The following SMC3 variants were observed in gnomAD, a reference collection of about 807,000 sequenced individuals.
SMC3 encodes structural maintenance of chromosomes protein 3.
SMC3 carries 20 observed loss-of-function variants against 171.8 expected under a neutral mutation model. That is an observed-to-expected ratio of 0.12 (90% CI 0.08 to 0.17). The LOEUF (loss-of-function observed/expected upper bound fraction) is 0.17. SMC3 is among the 10% of genes least tolerant of loss of function. SMC3 has a pLI of 1.00. For missense variants in SMC3, 543 were observed against 1,420.4 expected (o/e 0.38, Z 9.93); for synonymous variants, 464 against 451.1 (o/e 1.03, Z -0.36).
chr10:110,595,917 C>CTTTTTTTTTTTTTTTT, intron 18 of SMC3, among the ~76,000 whole-genome samples: 1 of 101,610 alleles, frequency 9.8e-6, no homozygotes, highest in Non-Finnish European at 1.8e-5. Flanking sequence ...ACTGGAGGTT[C>CTTTTTTTTTTTTTTTT]TTTTTTTTTT....
At chr10:110,584,616 A>AATGT (rs1297252020) in intron 13 of SMC3, among the ~76,000 whole-genome samples, 1 of 152,112 alleles carries the variant, frequency 6.6e-6, no homozygotes, top group Non-Finnish European at 1.5e-5. Context: ...AGTATATTAA[A>AATGT]ATGTATGTAT....
chr10:110,588,781 C>A (rs1255634860), intron 13 of SMC3, among the ~76,000 whole-genome samples: 2 of 152,162 alleles, frequency 1.3e-5, no homozygotes. Flanking sequence ...AAGGAAACAG[C>A]ATCTTACGTT....
chr10:110,576,681 T>C (rs1396252014), intron 4 of SMC3, among the ~76,000 whole-genome samples: 1 of 152,156 alleles, frequency 6.6e-6, no homozygotes, highest in African/African-American at 2.4e-5. Flanking sequence ...TGTAGCCCAG[T>C]AATCAGAATT....
intron 4 of SMC3, among the ~76,000 whole-genome samples, chr10:110,576,259 G>C (rs1464297622): frequency 6.6e-6 from 1 of 152,184 alleles, no homozygotes; most frequent in African/African-American, 2.4e-5. Flanking sequence ...ACTGAATGTA[G>C]ACTGCTATCA....
chr10:110,586,279 G>A (rs931092674), intron 13 of SMC3, among the ~76,000 whole-genome samples: 2 of 152,198 alleles, frequency 1.3e-5, no homozygotes, highest in African/African-American at 2.4e-5. Context: ...ATAAACAATA[G>A]GTAGGTAAAA....
chr10:110,581,840 A>C, intron 8 of SMC3, 83 bp from the exon 9 acceptor site: 1 of 1,163,264 alleles, frequency 8.6e-7, no homozygotes, highest in Non-Finnish European at 1.3e-6. Context: ...CTTAAAAATA[A>C]TTTAATTCAA....
chr10:110,588,004 T>G (rs892907786), intron 13 of SMC3, among the ~76,000 whole-genome samples: 3 of 152,210 alleles, frequency 2.0e-5, no homozygotes, highest in African/African-American at 7.2e-5. Flanking sequence ...TTATCCAAGA[T>G]TTTTTGAGAC....
intron 28 of SMC3, among the ~76,000 whole-genome samples, chr10:110,603,924 G>C (rs770503697): frequency 1.3e-5 from 2 of 151,616 alleles, no homozygotes; most frequent in African/African-American, 4.8e-5. Context: ...TGAAACCCCC[G>C]TCTCTACTAA....
Position 110,605,931 on chromosome 10 carries a change from A to T in SMC3, c.*1629A>T, listed in dbSNP as rs1473526002. Among the ~76,000 whole-genome samples the T allele has an allele frequency of 6.6e-6, 1 of 152,338 alleles. No individual in the cohort carries two copies. Among genetic ancestry groups the T allele is most frequent in the East Asian group, 1.9e-4 (1 of 5,190 alleles). On this transcript the variant is annotated 3_prime_UTR_variant, in exon 29 of 29. Transcript: ENST00000361804. ...CAGGATTCAATTCAAGGGATGTTACAAACATAACATCATTCTAGAACTTCT... is the reference window on the plus strand; with the variant it reads ...CAGGATTCAATTCAAGGGATGTTACTAACATAACATCATTCTAGAACTTCT...
intron 13 of SMC3, among the ~76,000 whole-genome samples, chr10:110,585,768 T>C (rs1483614167): frequency 3.3e-5 from 5 of 151,806 alleles, no homozygotes; most frequent in African/African-American, 7.2e-5. Context: ...TATGTACTTA[T>C]TAATTGTATA....
intron 4 of SMC3, among the ~76,000 whole-genome samples, chr10:110,576,944 T>C (rs1860959880): frequency 6.6e-6 from 1 of 152,204 alleles, no homozygotes; most frequent in South Asian, 2.1e-4. Context: ...TTGGTAATTA[T>C]CCCATGATTT....
intron 28 of SMC3, among the ~76,000 whole-genome samples, chr10:110,603,741 A>G (rs925361605): frequency 6.6e-6 from 1 of 152,240 alleles, no homozygotes; most frequent in Non-Finnish European, 1.5e-5. Context: ...TTGAACAAAC[A>G]CCACTGTAAA....
At chr10:110,574,736 A>C (rs1178572941) in intron 3 of SMC3, among the ~76,000 whole-genome samples, 1 of 152,214 alleles carries the variant, frequency 6.6e-6, no homozygotes, top group Non-Finnish European at 1.5e-5. Context: ...GACTGGGACA[A>C]GAACAGCTGA....
At chr10:110,603,418 G>T in intron 28 of SMC3, 128 bp downstream of exon 28, 1 of 669,310 alleles carries the variant, frequency 1.5e-6, no homozygotes. Flanking sequence ...TCTTTGTAAA[G>T]AAAGAACTTT....
Position 110,598,410 on chromosome 10 carries a change from CTTTT to C in SMC3, c.2268+128_2268+131del, listed in dbSNP as rs36039586. ...TGTTTCATTTTTGTTTGGACCCATACTTTTTTTTTTTGAAGACAGAGTCTCTTTC... is the reference window on the plus strand; with the variant it reads ...TGTTTCATTTTTGTTTGGACCCATACTTTTTTTGAAGACAGAGTCTCTTTC... On this transcript the variant is annotated intron_variant, in intron 20 of 28. Transcript: ENST00000361804. 3.4e-6 allele frequency: 3 copies of C among 889,542 alleles called. No individual in the cohort carries two copies. In the East Asian group the frequency reaches 9.0e-5, roughly 27 times the overall value. The allele number at this position is 889,542 out of a possible 1,614,324, so 55.1% of individuals were successfully genotyped here. A position where few individuals can be genotyped will look rare whatever the true frequency, so the allele number is the denominator to read the frequency against.
Position 110,604,594 on chromosome 10 carries a change from CT to C in SMC3, c.*298del, listed in dbSNP as rs886046697. On this transcript the variant is annotated 3_prime_UTR_variant, in exon 29 of 29. Transcript: ENST00000361804. ...CTAATTATTTTATCACTTATACTAC[CT>C]TTTTTATAGCTTCAATTAAATAATC... 1.7e-4 allele frequency: 59 copies of C among 342,928 alleles called. 1 individual carries two copies. The East Asian group carries it at 3.8e-3, about 22-fold the overall frequency. 21.2% of individuals were successfully genotyped at this position (342,928 alleles called of 1,614,324 possible). A position where few individuals can be genotyped will look rare whatever the true frequency, so the allele number is the denominator to read the frequency against.
At chr10:110,569,078 T>G (rs1860827238) in intron 2 of SMC3, 65 bp downstream of exon 2, 1 of 1,050,116 alleles carries the variant, frequency 9.5e-7, no homozygotes, top group Non-Finnish European at 1.5e-6. Context: ...TTCTGTCCAT[T>G]TCTATATTGG....
chr10:110,597,994 G>T lies in SMC3; in HGVS notation c.2117-145G>T, dbSNP rs1157717622. On this transcript the variant is annotated intron_variant, in intron 19 of 28. Transcript: ENST00000361804. ...AATGCATTTTGGGTAATATAGTTCAGCATTGTTTTGGTCCATAAATTTGAG... is the reference window on the plus strand; with the variant it reads ...AATGCATTTTGGGTAATATAGTTCATCATTGTTTTGGTCCATAAATTTGAG... 6 of 708,400 alleles carry T rather than the reference G, an allele frequency of 8.5e-6. No homozygotes were observed. In the East Asian group the frequency reaches 1.5e-4, roughly 18 times the overall value. The allele number at this position is 708,400 out of a possible 1,614,324, so 43.9% of individuals were successfully genotyped here. A position where few individuals can be genotyped will look rare whatever the true frequency, so the allele number is the denominator to read the frequency against.
At chr10:110,603,859 G>T (rs1181400273) in intron 28 of SMC3, among the ~76,000 whole-genome samples, 1 of 152,064 alleles carries the variant, frequency 6.6e-6, no homozygotes, top group African/African-American at 2.4e-5. Context: ...ACTTTGGGAG[G>T]CCAAGGCAGG....
Sources: allele counts gnomAD v4.1 joint callset (sites outside exome capture counted in the v4.1 genomes callset), GRCh38; gene constraint gnomAD v4.1.1; transcripts MANE v1.5; gene names NCBI Gene and HGNC (gene_info 2026-07-23, HGNC 2026-07-21).